PALLD: variants seen among roughly 807,000 people sequenced by gnomAD.
The protein encoded by PALLD is palladin.
Under a neutral mutation model 123.5 loss-of-function variants are expected in PALLD, and 61 were observed. That is an observed-to-expected ratio of 0.49 (90% CI 0.40 to 0.61). The LOEUF (loss-of-function observed/expected upper bound fraction) is 0.61. Among genes scored for constraint, PALLD ranks in the 20% least tolerant of loss-of-function variants. The probability of loss-of-function intolerance (pLI) is 0.00; values close to 1 mark genes in which losing one functional copy is unlikely to be tolerated. For synonymous variants in PALLD, 465 were observed against 496.4 expected (o/e 0.94, Z 0.84); for missense variants, 1,273 against 1,377.0 (o/e 0.92, Z 1.20).
intron 8 of PALLD, among the ~76,000 whole-genome samples, chr4:168,692,373 G>T (rs547290844): frequency 6.6e-6 from 1 of 152,326 alleles, no homozygotes; most frequent in African/African-American, 2.4e-5. Context: ...AGCAGAGCAA[G>T]TCCCCCCACT....
rs117305054 is a variant in PALLD, at chr4:168,825,645, G to A, written c.1965-65277G>A. 3.0e-4 allele frequency among the ~76,000 whole-genome samples: 46 copies of A among 152,194 alleles called. 1 individual carries two copies. The East Asian group carries it at 8.3e-3, about 27-fold the overall frequency. ...GATAGTCCCCTATGTATAGCCTGTC[G>A]GAGTCCATGGTTTCCTTTGAATTGA... is the stretch of plus-strand genomic sequence containing the variant. On this transcript the variant is annotated intron_variant, in intron 10 of 21. Coordinates refer to ENST00000505667, the MANE Select transcript of PALLD (RefSeq NM_001166108.2).
chr4:168,744,765 G>A (rs144994309), intron 10 of PALLD, among the ~76,000 whole-genome samples: 1 of 152,318 alleles, frequency 6.6e-6, no homozygotes, highest in Non-Finnish European at 1.5e-5. Flanking sequence ...CATTCTGTTT[G>A]TCATGTTCAG....
At chr4:168,773,471 T>C (rs1239105117) in intron 10 of PALLD, among the ~76,000 whole-genome samples, 5 of 152,174 alleles carry the variant, frequency 3.3e-5, no homozygotes, top group Non-Finnish European at 7.3e-5. Flanking sequence ...AATAACCCAC[T>C]GAGTGTCAGG....
At chr4:168,736,952 T>C (rs1787821603) in intron 10 of PALLD, among the ~76,000 whole-genome samples, 1 of 152,212 alleles carries the variant, frequency 6.6e-6, no homozygotes, top group South Asian at 2.1e-4. Context: ...AACGAGAAGC[T>C]TAACGTGATT....
Position 168,849,910 on chromosome 4 carries a change from T to C in PALLD, c.1965-41012T>C, listed in dbSNP as rs148160622. On this transcript the variant is annotated intron_variant, in intron 10 of 21. Coordinates refer to ENST00000505667, the MANE Select transcript of PALLD (RefSeq NM_001166108.2). ...TCTTCTCACCCCCAAGCTACCTCCA[T>C]TAAAAGAGATGCCAGGCTATATTTA... Among the ~76,000 whole-genome samples the C allele has an allele frequency of 1.2e-4, 19 of 152,276 alleles. No individual in the cohort carries two copies. In the East Asian group the frequency reaches 3.3e-3, roughly 26 times the overall value.
At chr4:168,533,961 A>C (rs1764856017) in intron 2 of PALLD, among the ~76,000 whole-genome samples, 1 of 152,226 alleles carries the variant, frequency 6.6e-6, no homozygotes, top group South Asian at 2.1e-4. Flanking sequence ...TTTCTTCTTC[A>C]GGAATTTCAG....
At chr4:168,544,217 T>C (rs947560613) in intron 2 of PALLD, among the ~76,000 whole-genome samples, 2 of 152,280 alleles carry the variant, frequency 1.3e-5, no homozygotes, top group Non-Finnish European at 2.9e-5. Flanking sequence ...ATTTGAAATT[T>C]AGTTCTAAGT....
intron 2 of PALLD, among the ~76,000 whole-genome samples, chr4:168,667,716 C>CAGA (rs1368868436): frequency 6.6e-6 from 1 of 152,168 alleles, no homozygotes; most frequent in Admixed American, 6.5e-5. Flanking sequence ...CTCAGCTGAT[C>CAGA]AGAAGTCTTA....
chr4:168,722,019 G>T (rs548363408), intron 10 of PALLD, among the ~76,000 whole-genome samples: 2 of 152,234 alleles, frequency 1.3e-5, no homozygotes, highest in African/African-American at 4.8e-5. Flanking sequence ...AAATGAATAT[G>T]ATATGAATAA....
intron 1 of PALLD, among the ~76,000 whole-genome samples, chr4:168,510,653 AAAT>A (rs1318299218): frequency 3.3e-5 from 5 of 152,252 alleles, no homozygotes; most frequent in Non-Finnish European, 7.3e-5. Context: ...TTAAATATCA[AAAT>A]AATAATAGTT....
intron 2 of PALLD, among the ~76,000 whole-genome samples, chr4:168,650,033 G>A (rs1777876873): frequency 6.6e-6 from 1 of 152,112 alleles, no homozygotes; most frequent in African/African-American, 2.4e-5. Flanking sequence ...AATTAACCAG[G>A]CATGGTGGTG....
intron 1 of PALLD, among the ~76,000 whole-genome samples, chr4:168,498,182 A>C (rs1485949214): frequency 6.6e-6 from 1 of 152,208 alleles, no homozygotes; most frequent in African/African-American, 2.4e-5. Context: ...TGCTAACAGC[A>C]GAAAAGGCCG....
exon 22 of PALLD, chr4:168,928,437 CAAAAT>C (rs1283768915): frequency 6.2e-5 from 11 of 178,370 alleles, no homozygotes; most frequent in East Asian, 1.0e-3. Context: ...TTTTGTGAAG[CAAAAT>C]AAATATTCAG....
intron 14 of PALLD, among the ~76,000 whole-genome samples, chr4:168,903,502 T>G (rs1756989027): frequency 6.6e-6 from 1 of 152,116 alleles, no homozygotes; most frequent in African/African-American, 2.4e-5. Flanking sequence ...TCCCTTCATA[T>G]AAATAATATA....
chr4:168,781,023 G>A (rs554737683), intron 10 of PALLD, among the ~76,000 whole-genome samples: 6 of 152,214 alleles, frequency 3.9e-5, no homozygotes, highest in East Asian at 1.9e-4. Context: ...GATAGGAGTC[G>A]ACATTTGAAA....
In PALLD at chr4:168,921,733, T is replaced by C. The variant is rs1560929667; in HGVS notation, c.3050T>C (p.Val1017Ala). 1 of 1,611,180 alleles carries C rather than the reference T, an allele frequency of 6.2e-7. No homozygotes were observed. The change falls in exon 18 of 22, where the codon GTG (valine) becomes GCG (alanine). Residue 1017 changes from valine (V) to alanine (A), a missense_variant. This residue lies in a region of PALLD where 329 missense variants were observed against 422.5 expected (regional missense o/e 0.78). Transcript: ENST00000505667. Reference protein sequence around the residue: ...AGQNSFSLELVVAAKEAHKPP... With the variant: ...AGQNSFSLELAVAAKEAHKPP... The stretch of plus-strand genomic sequence containing the variant: ...CAGAACTCATTCAGCCTGGAGCTTG[T>C]GGTTGCTGGTAGGCTCATCTGTGAA...
At chr4:168,693,871 G>A (rs1213155114) in intron 8 of PALLD, among the ~76,000 whole-genome samples, 1 of 149,456 alleles carries the variant, frequency 6.7e-6, no homozygotes, top group Non-Finnish European at 1.5e-5. Flanking sequence ...CCATGATCAT[G>A]TTTTTTAAAC....
Position 168,903,848 on chromosome 4 carries a change from C to T in PALLD, c.2564C>T (p.Thr855Ile). ...RDLDGTCSLHTTASTLDDDGN... is the reference protein window; with the variant it reads ...RDLDGTCSLHITASTLDDDGN... The stretch of plus-strand genomic sequence containing the variant: ...CTCGATGGGACCTGCTCCCTCCATA[C>T]CACAGCCTCCACCCTAGATGATGAT... The change falls in exon 15 of 22, where the codon ACC (threonine) becomes ATC (isoleucine). Residue 855 changes from threonine (T) to isoleucine (I), a missense_variant. Thr to Ile is a moderately conservative substitution (Grantham distance 89, BLOSUM62 -1). Around this residue, in one of 2 missense-constraint regions of PALLD, gnomAD observed 329 missense variants for 422.5 expected, o/e 0.78. Transcript: ENST00000505667. The T allele has an allele frequency of 6.2e-7, 1 of 1,613,686 alleles. No individual in the cohort carries two copies. Among genetic ancestry groups the T allele is most frequent in the Non-Finnish European group, 8.5e-7 (1 of 1,179,610 alleles).
chr4:168,520,049 G>A lies in PALLD; in HGVS notation c.908+7637G>A, dbSNP rs144063836. ...TCATAAGAGAATGGCACCTTTCGCC[G>A]GGCACGGTGGCTCATGCCTGTAATC... On this transcript the variant is annotated intron_variant, in intron 2 of 21. Coordinates refer to ENST00000505667, the MANE Select transcript of PALLD (RefSeq NM_001166108.2). 6.6e-5 allele frequency among the ~76,000 whole-genome samples: 10 copies of A among 151,378 alleles called. No individual in the cohort carries two copies. In the East Asian group the frequency reaches 9.9e-4, roughly 15 times the overall value.
Sources: gnomAD v4.1 joint callset for allele counts (sites outside exome capture counted in the v4.1 genomes callset) on GRCh38, gnomAD v4.1.1 for gene constraint, gnomAD v4.1.1 regional missense constraint, MANE v1.5 for transcripts, NCBI Gene and HGNC (gene_info 2026-07-23, HGNC 2026-07-21) for gene names.